Variants in CA5B observed in about 807,000 individuals in gnomAD.
CA5B encodes carbonic anhydrase 5B.
CA5B carries 15 observed loss-of-function variants against 23.1 expected under a neutral mutation model. The observed-to-expected ratio is 0.65, with a 90% CI of 0.43 to 1.00. CA5B has a LOEUF of 1.00. Among genes scored for constraint, CA5B ranks in the 50% least tolerant of loss-of-function variants. CA5B has a pLI of 0.00. For synonymous variants in CA5B, 84 were observed against 98.5 expected (o/e 0.85, Z 0.87); for missense variants, 236 against 252.2 (o/e 0.94, Z 0.43).
At chrX:15,748,742 A>G (rs1157226979) in intron 1 of CA5B, among the ~76,000 whole-genome samples, 1 of 48,047 alleles carries the variant, frequency 2.1e-5, no homozygotes, top group Non-Finnish European at 3.4e-5. Context: ...CCCCATCTCT[A>G]AAAAAAATAA....
chrX:15,769,959 T>A (rs1341708328), intron 3 of CA5B, among the ~76,000 whole-genome samples: 1 of 112,208 alleles, frequency 8.9e-6, no homozygotes, highest in Non-Finnish European at 1.9e-5. Flanking sequence ...GCTGAATGTT[T>A]TATATTTGTT....
chrX:15,774,872 A>G (rs1330542609), intron 5 of CA5B, among the ~76,000 whole-genome samples: 1 of 112,332 alleles, frequency 8.9e-6, no homozygotes, highest in Non-Finnish European at 1.9e-5. Flanking sequence ...ATTTTAAATG[A>G]TATAAAAATG....
chrX:15,763,522 C>T (rs937909193), intron 2 of CA5B, among the ~76,000 whole-genome samples: 2 of 112,185 alleles, frequency 1.8e-5, no homozygotes, highest in African/African-American at 6.5e-5. Context: ...GTTGGTTTTG[C>T]AAGATGCCAA....
At chrX:15,759,418 G>T (rs189620908) in intron 2 of CA5B, among the ~76,000 whole-genome samples, 1 of 111,687 alleles carries the variant, frequency 9.0e-6, no homozygotes, top group Non-Finnish European at 1.9e-5. Flanking sequence ...GAGCTCCCTC[G>T]TACCTTGTAC....
At chrX:15,749,833 G>C in intron 1 of CA5B, 138 bp from the exon 2 acceptor site, 1 of 434,817 alleles carries the variant, frequency 2.3e-6, no homozygotes, top group South Asian at 4.3e-5. Flanking sequence ...TGGATAAACC[G>C]TTGACTCTCA....
At position 15,756,990 on chromosome X, in the gene CA5B, G is replaced by C. The variant is rs758533109; in HGVS notation, c.142+6825G>C. Among the ~76,000 whole-genome samples the C allele has an allele frequency of 2.8e-5, 3 of 105,912 alleles. No individual in the cohort carries two copies. In the East Asian group the frequency reaches 8.9e-4, roughly 31 times the overall value. 92.0% of individuals were successfully genotyped at this position (105,912 alleles called of 115,157 possible). A position where few individuals can be genotyped will look rare whatever the true frequency, so the allele number is the denominator to read the frequency against. On this transcript the variant is annotated intron_variant, in intron 2 of 7. Transcript: ENST00000318636. Reference sequence around the variant, plus strand: ...GAATGGCAGGAACCGGGGAGGCAGAGCTTGCAGTGAGCCGAGATCGCGCCA... The same window carrying C: ...GAATGGCAGGAACCGGGGAGGCAGACCTTGCAGTGAGCCGAGATCGCGCCA...
At chrX:15,763,404 A>G (rs949214211) in intron 2 of CA5B, among the ~76,000 whole-genome samples, 1 of 112,584 alleles carries the variant, frequency 8.9e-6, no homozygotes, top group South Asian at 3.6e-4. Flanking sequence ...AAAGAAACTC[A>G]TTTATGAATA....
At chrX:15,741,002 C>T (rs2147250796) in intron 1 of CA5B, among the ~76,000 whole-genome samples, 1 of 111,190 alleles carries the variant, frequency 9.0e-6, no homozygotes, top group South Asian at 3.8e-4. Flanking sequence ...GCGGAGGGTA[C>T]AGTGAGCCAA....
At chrX:15,748,004 G>C (rs1310089884) in intron 1 of CA5B, among the ~76,000 whole-genome samples, 1 of 111,646 alleles carries the variant, frequency 9.0e-6, no homozygotes, top group Non-Finnish European at 1.9e-5. Context: ...GATTTTATAG[G>C]CAGGCTTGAG....
chrX:15,745,501 CTA>C (rs748495364), intron 1 of CA5B: 11 of 112,223 alleles, frequency 9.8e-5, no homozygotes, highest in African/African-American at 3.6e-4. Flanking sequence ...AAAATGATAA[CTA>C]TTATATATGT....
chrX:15,741,589 C>T (rs1931123608), intron 1 of CA5B, among the ~76,000 whole-genome samples: 1 of 109,567 alleles, frequency 9.1e-6, no homozygotes, highest in African/African-American at 3.3e-5. Context: ...AAGCAATTCT[C>T]TGCCTCAGCC....
intron 4 of CA5B, among the ~76,000 whole-genome samples, chrX:15,773,704 C>T (rs886444977): frequency 1.1e-4 from 12 of 110,604 alleles, no homozygotes; most frequent in Admixed American, 1.9e-4. Flanking sequence ...CCACCGCGCC[C>T]GGCCTGCCCT....
At chrX:15,770,544 G>C (rs1163037868) in intron 3 of CA5B, among the ~76,000 whole-genome samples, 1 of 108,978 alleles carries the variant, frequency 9.2e-6, no homozygotes, top group Non-Finnish European at 1.9e-5. Flanking sequence ...TGGCCTCCCG[G>C]AGTGCTAGGA....
chrX:15,783,439 AAGATC>A lies in CA5B; in HGVS notation c.*780_*784del, dbSNP rs919404377. 1 of 111,917 alleles carries A rather than the reference AAGATC, an allele frequency of 8.9e-6. No individual in the cohort carries two copies. The highest frequency in any genetic ancestry group is 3.3e-5 in the African/African-American group (1 of 30,761). 9.2% of individuals were successfully genotyped at this position (111,917 alleles called of 1,213,427 possible). ...ACCCAGAAATCCCTTTGCATTTCCG[AAGATC>A]AGATATTTTGCTTAAAGGTCTGATC... On this transcript the variant is annotated 3_prime_UTR_variant, in exon 8 of 8. Transcript: ENST00000318636.
Position 15,749,511 on chromosome X carries a change from T to G in CA5B, c.-53-460T>G, listed in dbSNP as rs773202702. Among the ~76,000 whole-genome samples, 4 of 111,923 alleles carry G rather than the reference T, an allele frequency of 3.6e-5. No homozygotes were observed. In the South Asian group the frequency reaches 1.5e-3, roughly 42 times the overall value. Reference sequence around the variant, plus strand: ...TTTGTTTTGTTTTTGTTTTTGTTTTTTTGTTGTTGTTGTTTTGTATGCAAT... The same window carrying G: ...TTTGTTTTGTTTTTGTTTTTGTTTTGTTGTTGTTGTTGTTTTGTATGCAAT... On this transcript the variant is annotated intron_variant, in intron 1 of 7. Coordinates refer to ENST00000318636, the MANE Select transcript of CA5B (RefSeq NM_007220.4).
intron 1 of CA5B, among the ~76,000 whole-genome samples, chrX:15,749,116 A>G (rs371040041): frequency 5.8e-4 from 65 of 111,836 alleles, no homozygotes; most frequent in African/African-American, 1.9e-3. Context: ...ACACTTCTAA[A>G]TCTGTAGTGG....
At chrX:15,765,002 T>A in intron 3 of CA5B, 3 of 429,278 alleles carry the variant, frequency 7.0e-6, no homozygotes, top group Non-Finnish European at 1.2e-5. Context: ...TATATCTCTA[T>A]CTCTCTATGT....
chrX:15,742,833 C>T (rs1031667785), intron 1 of CA5B, among the ~76,000 whole-genome samples: 3 of 112,446 alleles, frequency 2.7e-5, no homozygotes, highest in African/African-American at 9.7e-5. Context: ...CTGGCAATAT[C>T]TGTAGATATT....
At chrX:15,773,216 AAAAG>A (rs745519499) in intron 4 of CA5B, among the ~76,000 whole-genome samples, 2 of 110,920 alleles carry the variant, frequency 1.8e-5, no homozygotes, top group Non-Finnish European at 3.8e-5. Flanking sequence ...GTTATGTAAA[AAAAG>A]CCCATTTAAA....
Sources: allele counts gnomAD v4.1 joint callset (sites outside exome capture counted in the v4.1 genomes callset), GRCh38; gene constraint gnomAD v4.1.1; transcripts MANE v1.5; gene names NCBI Gene and HGNC (gene_info 2026-07-23, HGNC 2026-07-21).